Variants in SLC5A3 observed in about 807,000 individuals in gnomAD.
SLC5A3 encodes the protein sodium/myo-inositol cotransporter.
A neutral mutation model predicts 43.2 loss-of-function variants in SLC5A3; 10 were observed. The ratio of observed to expected loss-of-function variants is 0.23; its 90% CI spans 0.14 to 0.39. The LOEUF is 0.39. Among genes scored for constraint, SLC5A3 ranks in the 10% least tolerant of loss-of-function variants. The pLI, the probability that SLC5A3 is intolerant of heterozygous loss-of-function variation, is 1.00. For synonymous variants in SLC5A3, 349 were observed against 322.0 expected (o/e 1.08, Z -0.90); for missense variants, 608 against 893.4 (o/e 0.68, Z 4.07).
chr21:34,103,867 G>A lies in SLC5A3; in HGVS notation c.*6512G>A, dbSNP rs1463455997. On this transcript the variant is annotated 3_prime_UTR_variant, in exon 2 of 2. Transcript: ENST00000381151. ...GGTTACTAGCTAAAATGGGGTTTGA[G>A]GGCTTTTTACTGCAACTTGAAACTG... is the stretch of plus-strand genomic sequence containing the variant. 9 of 1,000,120 alleles carry A rather than the reference G, an allele frequency of 9.0e-6. No individual in the cohort carries two copies. The highest frequency in any genetic ancestry group is 1.1e-5 in the Non-Finnish European group (9 of 829,914). The allele number at this position is 1,000,120 out of a possible 1,614,324, so 62.0% of individuals were successfully genotyped here. A position where few individuals can be genotyped will look rare whatever the true frequency, so the allele number is the denominator to read the frequency against.
At position 34,091,750 on chromosome 21, in the gene SLC5A3, G is replaced by T. The variant is rs1168751792; in HGVS notation, c.-336-3113G>T. ...TCTCTTTTGGGAAGAAGGGGAATCT[G>T]CTCTGTTTCAAAGCACCTTTGTGTT... On this transcript the variant is annotated intron_variant, in intron 1 of 1. Coordinates refer to ENST00000381151, the MANE Select transcript of SLC5A3 (RefSeq NM_006933.7). Among the ~76,000 whole-genome samples, 4 of 152,260 alleles carry T rather than the reference G, an allele frequency of 2.6e-5. No homozygotes were observed. In the East Asian group the frequency reaches 7.7e-4, roughly 29 times the overall value.
chr21:34,084,141 A>G (rs1398368272), intron 1 of SLC5A3, among the ~76,000 whole-genome samples: 3 of 152,180 alleles, frequency 2.0e-5, no homozygotes. Flanking sequence ...CTTGAGTGTT[A>G]TATTCTCCAA....
In SLC5A3 at chr21:34,095,091, G is replaced by A. The variant is rs1978902721; in HGVS notation, c.-108G>A. The A allele has an allele frequency of 2.8e-6, 4 of 1,436,460 alleles. No individual in the cohort carries two copies. Among genetic ancestry groups the A allele is most frequent in the Non-Finnish European group, 3.8e-6 (4 of 1,063,340 alleles). The allele number at this position is 1,436,460 out of a possible 1,614,324, so 89.0% of individuals were successfully genotyped here. A position where few individuals can be genotyped will look rare whatever the true frequency, so the allele number is the denominator to read the frequency against. ...GACTTTGACCCTGCTGTGTTGCTCT[G>A]TGTAGTCCAGTTCACGTATGGTTTA... is the stretch of plus-strand genomic sequence containing the variant. On this transcript the variant is annotated 5_prime_UTR_variant, in exon 2 of 2. In the 5' UTR this introduces an upstream ATG that the reference lacks. Transcript: ENST00000381151.
chr21:34,103,865 G>C lies in SLC5A3; in HGVS notation c.*6510G>C. ...GGGGTTACTAGCTAAAATGGGGTTT[G>C]AGGGCTTTTTACTGCAACTTGAAAC... On this transcript the variant is annotated 3_prime_UTR_variant, in exon 2 of 2. Coordinates refer to ENST00000381151, the MANE Select transcript of SLC5A3 (RefSeq NM_006933.7). 4.0e-6 allele frequency: 4 copies of C among 1,000,184 alleles called. No homozygotes were observed. Among genetic ancestry groups the C allele is most frequent in the Non-Finnish European group, 4.8e-6 (4 of 829,934 alleles). The allele number at this position is 1,000,184 out of a possible 1,614,324, so 62.0% of individuals were successfully genotyped here. A position where few individuals can be genotyped will look rare whatever the true frequency, so the allele number is the denominator to read the frequency against.
Position 34,101,598 on chromosome 21 carries a change from A to G in SLC5A3, c.*4243A>G, listed in dbSNP as rs1055893786. On this transcript the variant is annotated 3_prime_UTR_variant, in exon 2 of 2. Coordinates refer to ENST00000381151, the MANE Select transcript of SLC5A3 (RefSeq NM_006933.7). ...CTTCACATTGCTGTGTCAGTTCTAC[A>G]CCTAGTCTTTTCAGCACTTAGCAAA... The G allele has an allele frequency of 4.0e-6, 4 of 1,000,092 alleles. No individual in the cohort carries two copies. Among genetic ancestry groups the G allele is most frequent in the Non-Finnish European group, 4.8e-6 (4 of 829,914 alleles). The allele number at this position is 1,000,092 out of a possible 1,614,324, so 62.0% of individuals were successfully genotyped here.
At chr21:34,077,592 TG>T (rs1277707416) in intron 1 of SLC5A3, among the ~76,000 whole-genome samples, 8 of 152,208 alleles carry the variant, frequency 5.3e-5, no homozygotes, top group Non-Finnish European at 1.2e-4. Context: ...TATCTTCATA[TG>T]TTTTTCTAAT....
rs1979436258 is a variant in SLC5A3, at chr21:34,105,478, A to G, written c.*8123A>G. The stretch of plus-strand genomic sequence containing the variant: ...AGAGTGCTGCTGCTTTTATCTAGTA[A>G]TTTTGATATGTAAGTATTAATGCAT... On this transcript the variant is annotated 3_prime_UTR_variant, in exon 2 of 2. Transcript: ENST00000381151. 2.0e-6 allele frequency: 2 copies of G among 999,720 alleles called. No individual in the cohort carries two copies. Among genetic ancestry groups the G allele is most frequent in the Non-Finnish European group, 2.4e-6 (2 of 829,770 alleles). 61.9% of individuals were successfully genotyped at this position (999,720 alleles called of 1,614,324 possible).
chr21:34,087,685 T>C (rs1298823384), intron 1 of SLC5A3, among the ~76,000 whole-genome samples: 1 of 152,184 alleles, frequency 6.6e-6, no homozygotes, highest in African/African-American at 2.4e-5. Context: ...GCATAGGAAA[T>C]AGCCAGTCCC....
Position 34,098,040 on chromosome 21 carries a change from T to C in SLC5A3, c.*685T>C. On this transcript the variant is annotated 3_prime_UTR_variant, in exon 2 of 2. Transcript: ENST00000381151. ...CAAGTTTAAGTGAACCATACTGAAA[T>C]GACCAACAAGTCTGCCTGTAAAGTT... 1 of 999,646 alleles carries C rather than the reference T, an allele frequency of 1.0e-6. No homozygotes were observed. Among genetic ancestry groups the C allele is most frequent in the South Asian group, 4.7e-5 (1 of 21,274 alleles). The allele number at this position is 999,646 out of a possible 1,614,324, so 61.9% of individuals were successfully genotyped here. A position where few individuals can be genotyped will look rare whatever the true frequency, so the allele number is the denominator to read the frequency against.
rs543163193 is a variant in SLC5A3 at position 34,084,923 on chromosome 21, C to CT, written c.-336-9933dup. ...ATTGTTAGAATATGCCTTATTTTAT[C>CT]TTTTTTTAATCTGCGTTATTTTGAG... On this transcript the variant is annotated intron_variant, in intron 1 of 1. Coordinates refer to ENST00000381151, the MANE Select transcript of SLC5A3 (RefSeq NM_006933.7). 1.7e-3 allele frequency among the ~76,000 whole-genome samples: 257 copies of CT among 152,182 alleles called. 2 individuals carry two copies. Among genetic ancestry groups the CT allele is most frequent in the African/African-American group, 6.0e-3 (247 of 41,512 alleles).
At chr21:34,075,076 C>G (rs1467577828) in intron 1 of SLC5A3, among the ~76,000 whole-genome samples, 1 of 152,174 alleles carries the variant, frequency 6.6e-6, no homozygotes, top group Non-Finnish European at 1.5e-5. Context: ...ATATGTAACT[C>G]CGAAAGGATA....
intron 1 of SLC5A3, among the ~76,000 whole-genome samples, chr21:34,089,498 T>A (rs1978571557): frequency 6.6e-6 from 1 of 152,124 alleles, no homozygotes; most frequent in Non-Finnish European, 1.5e-5. Flanking sequence ...AAAAAATTCA[T>A]GATGAGCCAA....
At chr21:34,080,189 A>G (rs1009597864) in intron 1 of SLC5A3, among the ~76,000 whole-genome samples, 4 of 152,226 alleles carry the variant, frequency 2.6e-5, no homozygotes, top group African/African-American at 9.6e-5. Context: ...AGGTGCACTT[A>G]TAACAAGGAA....
intron 1 of SLC5A3, among the ~76,000 whole-genome samples, chr21:34,081,321 C>T (rs1011230246): frequency 6.6e-6 from 1 of 151,992 alleles, no homozygotes; most frequent in African/African-American, 2.4e-5. Flanking sequence ...TGTCATGACC[C>T]CTATATTGAG....
chr21:34,094,764 T>C lies in SLC5A3; in HGVS notation c.-336-99T>C, dbSNP rs189532513. ...AAATTTTTTTTCTTCCAATAAAGAATGTCTCGTTGCGCCGGGTTTGCTAGA... is the reference window on the plus strand; with the variant it reads ...AAATTTTTTTTCTTCCAATAAAGAACGTCTCGTTGCGCCGGGTTTGCTAGA... On this transcript the variant is annotated intron_variant, in intron 1 of 1. Coordinates refer to ENST00000381151, the MANE Select transcript of SLC5A3 (RefSeq NM_006933.7). The C allele has an allele frequency of 4.1e-3, 421 of 102,462 alleles. 3 individuals carry two copies. The highest frequency in any genetic ancestry group is 0.03 in the Middle Eastern group (6 of 198). 6.3% of individuals were successfully genotyped at this position (102,462 alleles called of 1,614,324 possible).
At chr21:34,092,745 A>G (rs1173856083) in intron 1 of SLC5A3, among the ~76,000 whole-genome samples, 1 of 152,178 alleles carries the variant, frequency 6.6e-6, no homozygotes. Flanking sequence ...AGCTACTATG[A>G]CACATAACCC....
At chr21:34,080,794 T>C (rs1022828817) in intron 1 of SLC5A3, among the ~76,000 whole-genome samples, 3 of 152,246 alleles carry the variant, frequency 2.0e-5, no homozygotes, top group Non-Finnish European at 4.4e-5. Context: ...CTAAGCTGCC[T>C]TGAGGGGTTA....
chr21:34,102,094 G>A lies in SLC5A3; in HGVS notation c.*4739G>A. 4.0e-6 allele frequency: 4 copies of A among 999,972 alleles called. No homozygotes were observed. The highest frequency in any genetic ancestry group is 4.8e-6 in the Non-Finnish European group (4 of 829,754). 61.9% of individuals were successfully genotyped at this position (999,972 alleles called of 1,614,324 possible). A position where few individuals can be genotyped will look rare whatever the true frequency, so the allele number is the denominator to read the frequency against. Reference sequence around the variant, plus strand: ...TGCTAGACTTGGTTAACTTAGGGCTGCAAATCTTTTTCTTCTGTCAAGGTC... The same window carrying A: ...TGCTAGACTTGGTTAACTTAGGGCTACAAATCTTTTTCTTCTGTCAAGGTC... On this transcript the variant is annotated 3_prime_UTR_variant, in exon 2 of 2. Transcript: ENST00000381151.
chr21:34,103,319 A>T lies in SLC5A3; in HGVS notation c.*5964A>T. On this transcript the variant is annotated 3_prime_UTR_variant, in exon 2 of 2. Coordinates refer to ENST00000381151, the MANE Select transcript of SLC5A3 (RefSeq NM_006933.7). ...TGTCGTAACTAGTGAAGGAAGTAAAAAAAAAAAAAAAACATGCATTACATT... is the reference window on the plus strand; with the variant it reads ...TGTCGTAACTAGTGAAGGAAGTAAATAAAAAAAAAAAACATGCATTACATT... The T allele has an allele frequency of 3.0e-6, 3 of 992,188 alleles. No homozygotes were observed. 61.5% of individuals were successfully genotyped at this position (992,188 alleles called of 1,614,324 possible).
Sources: gnomAD v4.1 joint callset for allele counts (sites outside exome capture counted in the v4.1 genomes callset) on GRCh38, gnomAD v4.1.1 for gene constraint, MANE v1.5 for transcripts, NCBI Gene and HGNC (gene_info 2026-07-23, HGNC 2026-07-21) for gene names.